Variants in SKAP2 observed in about 807,000 individuals in gnomAD.
SKAP2 encodes the protein src kinase-associated phosphoprotein 2.
Under a neutral mutation model 54.9 loss-of-function variants are expected in SKAP2, and 28 were observed. The observed-to-expected ratio is 0.51, with a 90% CI of 0.38 to 0.70. SKAP2 has a LOEUF of 0.70. Among genes scored for constraint, SKAP2 ranks in the 30% least tolerant of loss-of-function variants. The probability of loss-of-function intolerance (pLI) is 0.00; values close to 1 mark genes in which losing one functional copy is unlikely to be tolerated. For synonymous variants in SKAP2, 137 were observed against 134.3 expected (o/e 1.02, Z -0.14); for missense variants, 356 against 424.1 (o/e 0.84, Z 1.41).
In SKAP2 at chr7:26,725,539, C is replaced by A. The variant is rs1562588397; in HGVS notation, c.685G>T (p.Asp229Tyr). 1 of 1,607,148 alleles carries A rather than the reference C, an allele frequency of 6.2e-7. No individual in the cohort carries two copies. The highest frequency in any genetic ancestry group is 2.2e-5 in the East Asian group (1 of 44,754). The change falls in exon 9 of 13, where the codon GAT becomes TAT. Residue 229 changes from aspartate to tyrosine, a missense_variant. Asp to Tyr is a radical substitution (Grantham distance 160). Coordinates refer to ENST00000345317, the MANE Select transcript of SKAP2 (RefSeq NM_003930.5). ...TATAATTCTCCTCTCTCATCATAAT[C>A]CTCAGGAATAATATCAGATTCCATA... is the stretch of plus-strand genomic sequence containing the variant. ...QDMESDIIPE[D>Y]YDERGELYDD...
intron 1 of SKAP2, 172 bp from the exon 2 acceptor site, chr7:26,855,062 GAACAA>G (rs1584429144): frequency 2.2e-6 from 1 of 459,266 alleles, no homozygotes; most frequent in East Asian, 3.6e-5. Flanking sequence ...ATACTAAGTT[GAACAA>G]ATCTGATCAC....
intron 4 of SKAP2, among the ~76,000 whole-genome samples, chr7:26,751,130 TATAA>T: frequency 6.6e-6 from 1 of 152,282 alleles, no homozygotes; most frequent in African/African-American, 2.4e-5. Context: ...TATGCAGAGT[TATAA>T]TGTCTTCTAC....
At chr7:26,752,548 T>C (rs546767113) in intron 4 of SKAP2, among the ~76,000 whole-genome samples, 31 of 152,234 alleles carry the variant, frequency 2.0e-4, no homozygotes, top group African/African-American at 7.5e-4. Flanking sequence ...CCCTGCACAA[T>C]TTTCAGACAA....
intron 1 of SKAP2, among the ~76,000 whole-genome samples, chr7:26,864,087 T>A (rs1303925914): frequency 1.0e-5 from 1 of 98,066 alleles, no homozygotes; most frequent in African/African-American, 4.2e-5. Flanking sequence ...ACACACACCG[T>A]CTTCACAATG....
intron 4 of SKAP2, among the ~76,000 whole-genome samples, chr7:26,811,065 A>C (rs896257588): frequency 1.3e-5 from 2 of 152,222 alleles, no homozygotes; most frequent in Non-Finnish European, 2.9e-5. Flanking sequence ...ACCAGTCACA[A>C]AGCAAGTCTC....
intron 4 of SKAP2, among the ~76,000 whole-genome samples, chr7:26,794,490 G>T (rs532664272): frequency 6.6e-6 from 1 of 152,246 alleles, no homozygotes; most frequent in African/African-American, 2.4e-5. Context: ...TTTTGGGTTG[G>T]ATAAAAGTTG....
intron 4 of SKAP2, among the ~76,000 whole-genome samples, chr7:26,778,380 A>T (rs641968): frequency 0.99 from 150,539 of 152,170 alleles, 74,488 homozygotes; most frequent in East Asian, 1. Flanking sequence ...CTTAGAGCAA[A>T]ATTTGACAGT....
chr7:26,787,990 G>C (rs1314317339), intron 4 of SKAP2, among the ~76,000 whole-genome samples: 1 of 152,036 alleles, frequency 6.6e-6, no homozygotes, highest in Non-Finnish European at 1.5e-5. Context: ...TGAATAGCTG[G>C]GATTATCAAC....
At chr7:26,859,230 T>A (rs1049667526) in intron 1 of SKAP2, among the ~76,000 whole-genome samples, 2 of 148,252 alleles carry the variant, frequency 1.3e-5, no homozygotes, top group African/African-American at 5.0e-5. Flanking sequence ...AAACTTAATA[T>A]GATAGGGATC....
chr7:26,851,399 G>A (rs528425429), intron 3 of SKAP2, among the ~76,000 whole-genome samples: 1 of 152,136 alleles, frequency 6.6e-6, no homozygotes, highest in East Asian at 1.9e-4. Flanking sequence ...AGCCAAGATG[G>A]TGCCGCTACA....
chr7:26,701,829 T>C (rs1377622820), intron 9 of SKAP2, among the ~76,000 whole-genome samples: 2 of 152,336 alleles, frequency 1.3e-5, no homozygotes, highest in East Asian at 3.9e-4. Flanking sequence ...TTCTCTTTTT[T>C]TCCCTCATTA....
At chr7:26,851,829 G>C (rs946226095) in intron 3 of SKAP2, among the ~76,000 whole-genome samples, 1 of 151,876 alleles carries the variant, frequency 6.6e-6, no homozygotes, top group Non-Finnish European at 1.5e-5. Flanking sequence ...AAGTAAGGAA[G>C]GATGATACAC....
At chr7:26,822,918 T>G (rs1584410681) in intron 4 of SKAP2, among the ~76,000 whole-genome samples, 3 of 149,750 alleles carry the variant, frequency 2.0e-5, no homozygotes, top group Non-Finnish European at 3.0e-5. Flanking sequence ...AGGCTCTAAG[T>G]GTTCAAGTGA....
At chr7:26,714,424 ATCTATAAACGAATGTTT>A (rs1411410261) in intron 9 of SKAP2, among the ~76,000 whole-genome samples, 2 of 152,240 alleles carry the variant, frequency 1.3e-5, no homozygotes, top group African/African-American at 4.8e-5. Flanking sequence ...AGAGGAAAAC[ATCTATAAACGAATGTTT>A]TATTTGAAAC....
intron 4 of SKAP2, among the ~76,000 whole-genome samples, chr7:26,836,098 T>A (rs1289917273): frequency 6.6e-6 from 1 of 152,166 alleles, no homozygotes; most frequent in Non-Finnish European, 1.5e-5. Context: ...GGGGAAATGA[T>A]TCCCTATTTA....
chr7:26,775,792 C>A (rs1490775865), intron 4 of SKAP2, among the ~76,000 whole-genome samples: 1 of 152,134 alleles, frequency 6.6e-6, no homozygotes, highest in Non-Finnish European at 1.5e-5. Context: ...CAGTATGTAA[C>A]CTTTAGGGAT....
intron 9 of SKAP2, among the ~76,000 whole-genome samples, chr7:26,696,629 A>G (rs985207520): frequency 6.6e-6 from 1 of 152,216 alleles, no homozygotes; most frequent in African/African-American, 2.4e-5. Context: ...AAGGCAAGAA[A>G]ATAAGCAATA....
chr7:26,690,393 A>AT, intron 9 of SKAP2, 31 bp from the exon 10 acceptor site: 5 of 1,470,144 alleles, frequency 3.4e-6, no homozygotes, highest in South Asian at 1.1e-5. Context: ...TGGCACATTG[A>AT]AGGGTTTTCT....
chr7:26,707,121 A>G (rs576436279), intron 9 of SKAP2, among the ~76,000 whole-genome samples: 1 of 152,176 alleles, frequency 6.6e-6, no homozygotes, highest in Non-Finnish European at 1.5e-5. Flanking sequence ...GCACTTTGAG[A>G]GGCCAAGGCA....
Sources: allele counts gnomAD v4.1 joint callset (sites outside exome capture counted in the v4.1 genomes callset), GRCh38; gene constraint gnomAD v4.1.1; transcripts MANE v1.5; gene names NCBI Gene and HGNC (gene_info 2026-07-23, HGNC 2026-07-21).